Variants in ANKRD13C observed in about 807,000 individuals in gnomAD.
The protein encoded by ANKRD13C is ankyrin repeat domain-containing protein 13C.
Under a neutral mutation model 65.5 loss-of-function variants are expected in ANKRD13C, and 16 were observed. That is an observed-to-expected ratio of 0.24 (90% CI 0.17 to 0.37). The LOEUF is 0.37. ANKRD13C is among the 10% of genes least tolerant of loss of function. The probability of loss-of-function intolerance (pLI) is 1.00; values close to 1 mark genes in which losing one functional copy is unlikely to be tolerated. For missense variants in ANKRD13C, 503 were observed against 655.9 expected, an observed-to-expected ratio of 0.77 and a Z score of 2.55; for synonymous variants, 235 against 238.7, an observed-to-expected ratio of 0.98 and a Z score of 0.14.
chr1:70,275,467 C>T (rs1266426061), intron 10 of ANKRD13C, among the ~76,000 whole-genome samples: 1 of 150,502 alleles, frequency 6.6e-6, no homozygotes, highest in African/African-American at 2.4e-5. Context: ...AAACAGAAGA[C>T]TTAGTTACTA....
intron 12 of ANKRD13C, among the ~76,000 whole-genome samples, chr1:70,264,917 C>CA (rs1678546263): frequency 6.6e-6 from 1 of 152,046 alleles, no homozygotes. Context: ...AAGAACAAAC[C>CA]ATGCAGTTGC....
At chr1:70,264,749 T>TTGG (rs1327256888) in intron 12 of ANKRD13C, among the ~76,000 whole-genome samples, 3 of 151,990 alleles carry the variant, frequency 2.0e-5, no homozygotes, top group African/African-American at 7.3e-5. Context: ...ATTACACTGG[T>TTGG]TGGGAGGGTC....
intron 8 of ANKRD13C, 30 bp downstream of exon 8, chr1:70,296,100 T>G: frequency 6.2e-7 from 1 of 1,605,784 alleles, no homozygotes; most frequent in East Asian, 2.2e-5. Context: ...GAACAATGCT[T>G]AAAGTTTAAA....
At chr1:70,289,404 T>C (rs1156730485) in intron 9 of ANKRD13C, among the ~76,000 whole-genome samples, 1 of 152,094 alleles carries the variant, frequency 6.6e-6, no homozygotes, top group Non-Finnish European at 1.5e-5. Flanking sequence ...AAACAGTCCA[T>C]GAAACAGCAT....
At chr1:70,351,598 CTA>C (rs1197021768) in intron 1 of ANKRD13C, among the ~76,000 whole-genome samples, 1 of 152,096 alleles carries the variant, frequency 6.6e-6, no homozygotes, top group East Asian at 1.9e-4. Context: ...CGGGGTTTCA[CTA>C]TGTTGGTCAG....
chr1:70,311,028 A>C (rs1266236323), intron 5 of ANKRD13C, among the ~76,000 whole-genome samples: 2 of 152,258 alleles, frequency 1.3e-5, no homozygotes, highest in African/African-American at 4.8e-5. Flanking sequence ...GATGAGCTAG[A>C]GTTATAAAAA....
chr1:70,328,562 T>C, intron 2 of ANKRD13C, among the ~76,000 whole-genome samples: 1 of 152,184 alleles, frequency 6.6e-6, no homozygotes, highest in East Asian at 1.9e-4. Flanking sequence ...ACTTGGAGGC[T>C]GAGTCAGAAG....
intron 1 of ANKRD13C, among the ~76,000 whole-genome samples, chr1:70,339,393 C>T (rs1682203815): frequency 6.7e-6 from 1 of 149,754 alleles, no homozygotes; most frequent in Non-Finnish European, 1.5e-5. Flanking sequence ...TCTCGGCTCA[C>T]TGTAACCTCC....
chr1:70,300,035 G>A (rs1426278457), intron 7 of ANKRD13C, among the ~76,000 whole-genome samples: 1 of 152,148 alleles, frequency 6.6e-6, no homozygotes, highest in Non-Finnish European at 1.5e-5. Flanking sequence ...GGTAGCCAAA[G>A]AGTTAGGAAA....
chr1:70,302,267 A>G (rs975447248), intron 6 of ANKRD13C, among the ~76,000 whole-genome samples: 16 of 149,208 alleles, frequency 1.1e-4, no homozygotes, highest in Non-Finnish European at 2.1e-4. Context: ...TTATGTATCA[A>G]GAAGCCCTAA....
intron 9 of ANKRD13C, among the ~76,000 whole-genome samples, chr1:70,277,705 A>C (rs572144868): frequency 6.6e-6 from 1 of 152,314 alleles, no homozygotes; most frequent in East Asian, 1.9e-4. Flanking sequence ...AGAGAAAATT[A>C]AAGGTAAAAA....
At chr1:70,328,000 G>T (rs1366290591) in intron 2 of ANKRD13C, among the ~76,000 whole-genome samples, 1 of 152,058 alleles carries the variant, frequency 6.6e-6, no homozygotes, top group African/African-American at 2.4e-5. Flanking sequence ...AGAAGGCGGA[G>T]GTTGCAGTGA....
intron 8 of ANKRD13C, among the ~76,000 whole-genome samples, chr1:70,294,170 G>A (rs1038894810): frequency 2.6e-5 from 4 of 152,072 alleles, no homozygotes; most frequent in South Asian, 2.1e-4. Flanking sequence ...GATATGACAC[G>A]ACACTTTATG....
At chr1:70,269,129 C>T (rs543678218) in intron 12 of ANKRD13C, among the ~76,000 whole-genome samples, 1 of 145,702 alleles carries the variant, frequency 6.9e-6, no homozygotes, top group African/African-American at 2.5e-5. Context: ...AGTAAACATA[C>T]ACAGGAGGAA....
chr1:70,342,172 T>A (rs1682337717), intron 1 of ANKRD13C, among the ~76,000 whole-genome samples: 1 of 151,852 alleles, frequency 6.6e-6, no homozygotes, highest in African/African-American at 2.4e-5. Flanking sequence ...ACTCTGAGAT[T>A]CCAAGTGAAG....
intron 6 of ANKRD13C, among the ~76,000 whole-genome samples, chr1:70,303,434 C>T (rs1680460550): frequency 6.6e-6 from 1 of 152,004 alleles, no homozygotes; most frequent in African/African-American, 2.4e-5. Flanking sequence ...TGCCAAATAA[C>T]ACTGAAAAAA....
intron 12 of ANKRD13C, among the ~76,000 whole-genome samples, chr1:70,267,848 T>C (rs1678699588): frequency 6.6e-6 from 1 of 152,104 alleles, no homozygotes; most frequent in Non-Finnish European, 1.5e-5. Context: ...GTATCACAAT[T>C]TCCCGGTGTC....
chr1:70,338,324 T>G (rs1182699354), intron 1 of ANKRD13C, among the ~76,000 whole-genome samples: 1 of 152,154 alleles, frequency 6.6e-6, no homozygotes, highest in Non-Finnish European at 1.5e-5. Context: ...CATTAGGAAC[T>G]CTCAGTAAAG....
At chr1:70,332,569 G>GA (rs761010815) in intron 2 of ANKRD13C, among the ~76,000 whole-genome samples, 14 of 152,138 alleles carry the variant, frequency 9.2e-5, no homozygotes, top group Non-Finnish European at 1.9e-4. Context: ...GGGTTCAAGT[G>GA]ATTCTCCTTT....
Sources: gnomAD v4.1 joint callset for allele counts (sites outside exome capture counted in the v4.1 genomes callset) on GRCh38, gnomAD v4.1.1 for gene constraint, MANE v1.5 for transcripts, NCBI Gene and HGNC (gene_info 2026-07-23, HGNC 2026-07-21) for gene names.